The following NCAPD3 variants were observed in gnomAD, a reference collection of about 807,000 sequenced individuals.
NCAPD3 encodes condensin-2 complex subunit D3.
In NCAPD3, 105 loss-of-function variants were observed where a neutral mutation model predicts 182.9. The ratio of observed to expected loss-of-function variants is 0.57; its 90% CI spans 0.49 to 0.68. NCAPD3 has a LOEUF of 0.68. Ranked by LOEUF, NCAPD3 falls within the 30% of genes least tolerant of loss-of-function variation. NCAPD3 has a pLI of 0.00. For synonymous variants in NCAPD3, 815 were observed against 679.9 expected (o/e 1.20, Z -3.09); for missense variants, 1,944 against 1,837.0 (o/e 1.06, Z -1.07).
chr11:134,220,687 G>C lies in NCAPD3; in HGVS notation c.104C>G (p.Thr35Ser), dbSNP rs758878432. 32 of 1,614,088 alleles carry C rather than the reference G, an allele frequency of 2.0e-5. 1 individual carries two copies. In the South Asian group the frequency reaches 3.5e-4, roughly 18 times the overall value. Residue 35 changes from threonine (T) to serine (S), a missense_variant, in exon 2 of 35, where the codon ACT (threonine) becomes AGT (serine). Transcript: ENST00000534548. ...TTCTATGCTGGGATCCAAAGGCTCA[G>C]TCTCTGTGAAATCCAGTTCCCACAC... is the stretch of plus-strand genomic sequence containing the variant. ...DTVWELDFTE[T>S]EPLDPSIEAE...
chr11:134,206,823 G>A, intron 7 of NCAPD3, 91 bp from the exon 8 acceptor site: 6 of 1,367,176 alleles, frequency 4.4e-6, no homozygotes, highest in Non-Finnish European at 3.9e-6. Flanking sequence ...ACCATTTCAA[G>A]CCATCTGAAG....
chr11:134,172,668 C>A (rs1944038209), intron 24 of NCAPD3, among the ~76,000 whole-genome samples: 1 of 152,122 alleles, frequency 6.6e-6, no homozygotes, highest in Non-Finnish European at 1.5e-5. Flanking sequence ...GATTACAAGG[C>A]CACCACCTAT....
At chr11:134,210,798 A>T (rs989130781) in intron 3 of NCAPD3, among the ~76,000 whole-genome samples, 2 of 152,242 alleles carry the variant, frequency 1.3e-5, no homozygotes, top group Non-Finnish European at 1.5e-5. Context: ...AACAGAGGTA[A>T]ACCCTCAAGT....
In NCAPD3 at chr11:134,223,859, T is replaced by G. The variant is rs1191469087; in HGVS notation, c.64+4A>C. 1 of 1,612,086 alleles carries G rather than the reference T, an allele frequency of 6.2e-7. No homozygotes were observed. The highest frequency in any genetic ancestry group is 2.2e-5 in the East Asian group (1 of 44,824). ...CCCCGGGCCTCCCGGCTGCATCTGC[T>G]CACCGAGTCTAAGATCCAGCGGACA... On this transcript the variant is annotated splice_donor_region_variant and intron_variant, in intron 1 of 34. Transcript: ENST00000534548.
At position 134,152,734 on chromosome 11, in the gene NCAPD3, C is replaced by G. The variant is rs1438264742; in HGVS notation, c.*210G>C. On this transcript the variant is annotated 3_prime_UTR_variant, in exon 35 of 35. Transcript: ENST00000534548. ...CAGATTAGGGTAAGAAAATCTAAAT[C>G]TGGCACATCTCTATTATTTGACAGT... 2 of 461,566 alleles carry G rather than the reference C, an allele frequency of 4.3e-6. No homozygotes were observed. Among genetic ancestry groups the G allele is most frequent in the African/African-American group, 3.9e-5 (2 of 50,812 alleles). 28.6% of individuals were successfully genotyped at this position (461,566 alleles called of 1,614,324 possible).
chr11:134,163,889 A>AAG (rs1462063826), intron 27 of NCAPD3, among the ~76,000 whole-genome samples: 5 of 150,126 alleles, frequency 3.3e-5, no homozygotes, highest in African/African-American at 7.4e-5. Context: ...AAAAAAAAAA[A>AAG]AAAGAAAAAG....
chr11:134,168,652 G>C lies in NCAPD3; in HGVS notation c.3240-50C>G, dbSNP rs201415210. On this transcript the variant is annotated intron_variant, in intron 25 of 34. Coordinates refer to ENST00000534548, the MANE Select transcript of NCAPD3 (RefSeq NM_015261.3). ...CTGCATCACATGGGCACGGGTGTAA[G>C]GGATTTAACACTGCACTTTAACTGC... 5 of 1,609,370 alleles carry C rather than the reference G, an allele frequency of 3.1e-6. No homozygotes were observed. The East Asian group carries it at 6.7e-5, about 22-fold the overall frequency.
At chr11:134,224,052 G>T, upstream of NCAPD3, 1 of 1,193,560 alleles carries the variant, frequency 8.4e-7, no homozygotes, top group Non-Finnish European at 1.2e-6. Flanking sequence ...CCACCGCGCC[G>T]AGCCGTTTCC....
chr11:134,176,492 CTGAG>C, intron 23 of NCAPD3, 106 bp from the exon 24 acceptor site: 1 of 876,504 alleles, frequency 1.1e-6, no homozygotes, highest in South Asian at 1.4e-5. Flanking sequence ...GGCACACTGG[CTGAG>C]TGCACAGGCA....
intron 15 of NCAPD3, among the ~76,000 whole-genome samples, 167 bp downstream of exon 15, chr11:134,193,849 A>C (rs1378479296): frequency 6.6e-6 from 1 of 152,254 alleles, no homozygotes; most frequent in Non-Finnish European, 1.5e-5. Flanking sequence ...AGCACAGTCT[A>C]TCACACATAA....
At chr11:134,206,951 T>C (rs1324094658) in intron 7 of NCAPD3, among the ~76,000 whole-genome samples, 3 of 152,186 alleles carry the variant, frequency 2.0e-5, no homozygotes, top group African/African-American at 7.2e-5. Context: ...ACAGATGATA[T>C]GTCTGATAAA....
chr11:134,185,906 CTTTTTTT>C, intron 16 of NCAPD3: 1 of 138,144 alleles, frequency 7.2e-6, no homozygotes, highest in Non-Finnish European at 1.5e-5. Context: ...TAACATTGTC[CTTTTTTT>C]TTTTTTTTTC....
chr11:134,153,299 C>T lies in NCAPD3; in HGVS notation c.4317G>A (p.Ser1439=), dbSNP rs774284599. ...VSYIGTPRTP[S]SAKEKIEGRS... Reference sequence around the variant, plus strand: ...ACACCAAGAACTTGCCTTTGGCTGACGACGGAGTCCGTGGTGTCCCGATGT... The same window carrying T: ...ACACCAAGAACTTGCCTTTGGCTGATGACGGAGTCCGTGGTGTCCCGATGT... Residue 1439 remains serine (S), a synonymous_variant, in exon 33 of 35, where the codon TCG becomes TCA. Transcript: ENST00000534548. The T allele has an allele frequency of 4.3e-6, 7 of 1,614,192 alleles. No individual in the cohort carries two copies. The highest frequency in any genetic ancestry group is 3.4e-6 in the Non-Finnish European group (4 of 1,180,022).
intron 32 of NCAPD3, chr11:134,153,618 C>A (rs1012192836): frequency 5.5e-6 from 3 of 541,698 alleles, no homozygotes; most frequent in Admixed American, 3.2e-5. Flanking sequence ...TCACTGTTCA[C>A]GCCTCTGGCT....
At position 134,194,186 on chromosome 11, in the gene NCAPD3, C is replaced by T. The variant is rs750726992; in HGVS notation, c.1690-36G>A. ...TAGACGCAACATGAACTGTTAACTG[C>T]ATAGCATCAACTCACAAAGATAAAC... On this transcript the variant is annotated intron_variant, in intron 14 of 34. Coordinates refer to ENST00000534548, the MANE Select transcript of NCAPD3 (RefSeq NM_015261.3). 2.5e-6 allele frequency: 4 copies of T among 1,595,844 alleles called. No homozygotes were observed. In the African/African-American group the frequency reaches 5.4e-5, roughly 21 times the overall value.
upstream of NCAPD3, chr11:134,224,117 G>A: frequency 1.5e-6 from 1 of 672,244 alleles, no homozygotes; most frequent in South Asian, 1.9e-5. Context: ...AACTGGGCGG[G>A]CCGAAAAGTG....
intron 28 of NCAPD3, among the ~76,000 whole-genome samples, chr11:134,160,942 TTTTTG>T (rs1005047668): frequency 6.7e-6 from 1 of 149,814 alleles, no homozygotes; most frequent in East Asian, 1.9e-4. Flanking sequence ...CAAAGCTCTG[TTTTTG>T]TTTTTTTTTT....
At chr11:134,212,683 C>G (rs1937882204) in intron 3 of NCAPD3, among the ~76,000 whole-genome samples, 1 of 152,154 alleles carries the variant, frequency 6.6e-6, no homozygotes, top group Non-Finnish European at 1.5e-5. Flanking sequence ...TGAGCCACCT[C>G]ACCCAACCTA....
chr11:134,224,083 G>A, upstream of NCAPD3: 1 of 863,970 alleles, frequency 1.2e-6, no homozygotes, highest in Non-Finnish European at 1.8e-6. Flanking sequence ...CCAATCACCG[G>A]CGTCGTCCGC....
Sources: allele counts gnomAD v4.1 joint callset (sites outside exome capture counted in the v4.1 genomes callset), GRCh38; gene constraint gnomAD v4.1.1; transcripts MANE v1.5; gene names NCBI Gene and HGNC (gene_info 2026-07-23, HGNC 2026-07-21).